Variants in SLC14A2 observed in about 807,000 individuals in gnomAD.
SLC14A2 encodes the protein solute carrier family 14 member 2.
Under a neutral mutation model 104.6 loss-of-function variants are expected in SLC14A2, and 91 were observed. The observed-to-expected ratio is 0.87, with a 90% confidence interval of 0.73 to 1.04. The LOEUF is 1.04. Ranked by LOEUF, SLC14A2 falls within the 50% of genes least tolerant of loss-of-function variation. The pLI is 0.00. For missense variants in SLC14A2, 1,189 were observed against 1,156.0 expected (o/e 1.03, Z -0.41); for synonymous variants, 476 against 466.4 (o/e 1.02, Z -0.27).
chr18:45,676,915 A>G (rs2046237221), intron 18 of SLC14A2, among the ~76,000 whole-genome samples: 1 of 152,254 alleles, frequency 6.6e-6, no homozygotes, highest in Non-Finnish European at 1.5e-5. Flanking sequence ...TCCTGAAGCC[A>G]GTGCTTTTTC....
At chr18:45,489,573 G>A (rs1177001965) in intron 2 of SLC14A2, among the ~76,000 whole-genome samples, 1 of 152,086 alleles carries the variant, frequency 6.6e-6, no homozygotes, top group Non-Finnish European at 1.5e-5. Context: ...CTTCTTAAAG[G>A]TGAAGAAATT....
chr18:45,559,521 G>A (rs1476726479), intron 2 of SLC14A2, among the ~76,000 whole-genome samples: 1 of 152,122 alleles, frequency 6.6e-6, no homozygotes, highest in Non-Finnish European at 1.5e-5. Context: ...TTTGTGGGAG[G>A]TTCCAGTGTC....
At chr18:45,271,047 C>A (rs1388118143) in intron 1 of SLC14A2, among the ~76,000 whole-genome samples, 1 of 152,194 alleles carries the variant, frequency 6.6e-6, no homozygotes, top group Non-Finnish European at 1.5e-5. Flanking sequence ...TCTGCAGCAA[C>A]TTCCCTTCTC....
intron 18 of SLC14A2, among the ~76,000 whole-genome samples, chr18:45,674,351 C>A (rs953257920): frequency 6.6e-6 from 1 of 152,094 alleles, no homozygotes; most frequent in African/African-American, 2.4e-5. Flanking sequence ...TGAACATTAT[C>A]TATATAAACT....
intron 1 of SLC14A2, among the ~76,000 whole-genome samples, chr18:45,418,480 G>A (rs1450601488): frequency 6.6e-5 from 10 of 152,296 alleles, no homozygotes; most frequent in Admixed American, 3.9e-4. Context: ...CAGGAGTGAA[G>A]TAGGAGACAT....
At chr18:45,523,300 A>G (rs2043542912) in intron 2 of SLC14A2, among the ~76,000 whole-genome samples, 4 of 151,878 alleles carry the variant, frequency 2.6e-5, no homozygotes, top group Admixed American at 6.6e-5. Context: ...GGAGCAATCT[A>G]TACTCCCATC....
At chr18:45,652,782 T>C (rs1014369666) in intron 10 of SLC14A2, among the ~76,000 whole-genome samples, 4 of 152,140 alleles carry the variant, frequency 2.6e-5, no homozygotes, top group African/African-American at 9.7e-5. Context: ...CAAGATTATA[T>C]CTTGGCCTTC....
At chr18:45,333,167 C>T (rs185722579) in intron 1 of SLC14A2, among the ~76,000 whole-genome samples, 39 of 152,208 alleles carry the variant, frequency 2.6e-4, no homozygotes, top group Non-Finnish European at 4.7e-4. Context: ...CTCCCAAATG[C>T]ATCAGTATCT....
chr18:45,455,499 T>G (rs2086927118), intron 1 of SLC14A2, among the ~76,000 whole-genome samples: 1 of 151,006 alleles, frequency 6.6e-6, no homozygotes, highest in Non-Finnish European at 1.5e-5. Context: ...TGTCAGAGGG[T>G]GGGGGGCTAG....
At chr18:45,633,250 A>C (rs2045372572) in intron 5 of SLC14A2, among the ~76,000 whole-genome samples, 1 of 152,226 alleles carries the variant, frequency 6.6e-6, no homozygotes, top group Non-Finnish European at 1.5e-5. Context: ...AATCTGCACT[A>C]TTAAACCCCA....
At chr18:45,600,477 C>A (rs538348576) in intron 2 of SLC14A2, among the ~76,000 whole-genome samples, 13 of 152,296 alleles carry the variant, frequency 8.5e-5, no homozygotes, top group African/African-American at 3.1e-4. Context: ...ACCTCAACCA[C>A]AACACACAGT....
chr18:45,528,628 T>C (rs975230815), intron 2 of SLC14A2: 6 of 151,632 alleles, frequency 4.0e-5, no homozygotes, highest in Non-Finnish European at 8.8e-5. Flanking sequence ...CAAACCCTGA[T>C]AGGTTCCATC....
chr18:45,426,400 C>A (rs570359338), intron 1 of SLC14A2, among the ~76,000 whole-genome samples: 1 of 151,864 alleles, frequency 6.6e-6, no homozygotes. Context: ...GACATGCCTC[C>A]TTCAGCGGTG....
At chr18:45,425,450 T>A (rs60785896) in intron 1 of SLC14A2, among the ~76,000 whole-genome samples, 3 of 152,194 alleles carry the variant, frequency 2.0e-5, no homozygotes, top group Non-Finnish European at 4.4e-5. Flanking sequence ...TGATTCTGCA[T>A]GCTCCTCCAC....
In SLC14A2 at chr18:45,365,033, C is replaced by T. The variant is rs552669276; in HGVS notation, c.-124-118200C>T. ...TGAGATCACAGGCAGGTAAATAAGT[C>T]GAGGAATCCTCTCTGATTGAAAGAG... On this transcript the variant is annotated intron_variant, in intron 1 of 20. Transcript: ENST00000586448. Among the ~76,000 whole-genome samples the T allele has an allele frequency of 9.9e-5, 15 of 152,244 alleles. No individual in the cohort carries two copies. The South Asian group carries it at 2.9e-3, about 30-fold the overall frequency.
chr18:45,584,093 G>A (rs1294292435), intron 2 of SLC14A2, among the ~76,000 whole-genome samples: 3 of 152,200 alleles, frequency 2.0e-5, no homozygotes, highest in Non-Finnish European at 2.9e-5. Flanking sequence ...ATGTCAACTT[G>A]AACTTGCTGT....
At chr18:45,628,949 C>T (rs1568305111) in intron 4 of SLC14A2, among the ~76,000 whole-genome samples, 1 of 152,172 alleles carries the variant, frequency 6.6e-6, no homozygotes, top group East Asian at 1.9e-4. Context: ...GGAACAGAGT[C>T]CACATCTTGC....
chr18:45,182,493 A>G, the SLC14A2 span, among the ~76,000 whole-genome samples: 2 of 151,924 alleles, frequency 1.3e-5, no homozygotes, highest in Non-Finnish European at 2.9e-5. Context: ...AATAATTCTC[A>G]TGTTTTACCA....
intron 2 of SLC14A2, among the ~76,000 whole-genome samples, chr18:45,488,187 C>T (rs554706942): frequency 3.3e-5 from 5 of 152,020 alleles, no homozygotes; most frequent in Non-Finnish European, 7.4e-5. Context: ...GATGTATGAA[C>T]ATGAGAGCAA....
Sources: gnomAD v4.1 joint callset for allele counts (sites outside exome capture counted in the v4.1 genomes callset) on GRCh38, gnomAD v4.1.1 for gene constraint, MANE v1.5 for transcripts, NCBI Gene and HGNC (gene_info 2026-07-23, HGNC 2026-07-21) for gene names.